EP400: variants seen among roughly 807,000 people sequenced by gnomAD.
The protein encoded by EP400 is E1A binding protein p400.
In EP400, 105 loss-of-function variants were observed where a neutral mutation model predicts 354.1. That is an observed-to-expected ratio of 0.30 (90% CI 0.25 to 0.35). The LOEUF is 0.35. Among genes scored for constraint, EP400 ranks in the 10% least tolerant of loss-of-function variants. The probability of loss-of-function intolerance (pLI) is 1.00; values close to 1 mark genes in which losing one functional copy is unlikely to be tolerated. For synonymous variants in EP400, 1,646 were observed against 1,716.9 expected (o/e 0.96, Z 1.02); for missense variants, 3,280 against 4,121.0 (o/e 0.80, Z 5.59).
At chr12:132,000,289 ATTTTT>A (rs1375759269) in intron 12 of EP400, among the ~76,000 whole-genome samples, 2 of 152,116 alleles carry the variant, frequency 1.3e-5, no homozygotes, top group African/African-American at 4.8e-5. Context: ...TTCAATATAT[ATTTTT>A]ATTATTATTC....
At chr12:132,023,097 A>T (rs894758652) in intron 23 of EP400, among the ~76,000 whole-genome samples, 4 of 149,930 alleles carry the variant, frequency 2.7e-5, no homozygotes, top group Admixed American at 2.0e-4. Flanking sequence ...TTAGGTTCAT[A>T]TGTGAGTTTC....
chr12:131,952,327 A>G (rs1046837573), intron 1 of EP400, among the ~76,000 whole-genome samples: 1 of 145,938 alleles, frequency 6.9e-6, no homozygotes, highest in Non-Finnish European at 1.5e-5. Context: ...AAAAAAAAAG[A>G]AAAAGAAATA....
At position 131,990,696 on chromosome 12, in the gene EP400, C is replaced by T; in HGVS notation, c.2611C>T (p.Gln871Ter). Reference protein sequence around the residue: ...EEKRKKALNLQKVSRRGKELR... With the variant: ...EEKRKKALNL ...AAAAAGGAAGAAGGCCTTAAATTTA[C>T]AGAAAGTTTCCAGGAGAGGTAGGAC... Residue 871 changes from glutamine to a stop codon, truncating the protein, a stop_gained, in exon 9 of 53, where the codon CAG becomes TAG. Transcript: ENST00000389561. LOFTEE classifies it high-confidence loss of function. The surrounding 1 kb of genome is among the most constrained non-coding windows in gnomAD (Gnocchi z 4.2). 1 of 1,612,312 alleles carries T rather than the reference C, an allele frequency of 6.2e-7. No homozygotes were observed. Among genetic ancestry groups the T allele is most frequent in the Non-Finnish European group, 8.5e-7 (1 of 1,179,078 alleles).
chr12:131,954,584 G>A (rs1221906885), intron 1 of EP400, among the ~76,000 whole-genome samples: 1 of 151,908 alleles, frequency 6.6e-6, no homozygotes, highest in Non-Finnish European at 1.5e-5. Context: ...AATTGGCCGG[G>A]CGTGGTGGTG....
chr12:132,002,741 T>C (rs1310541434), intron 12 of EP400, among the ~76,000 whole-genome samples: 1 of 152,190 alleles, frequency 6.6e-6, no homozygotes, highest in Non-Finnish European at 1.5e-5. Context: ...CATTCTCACA[T>C]ATGGTGGTCA....
chr12:132,042,094 G>T (rs533292209), intron 32 of EP400, among the ~76,000 whole-genome samples: 14 of 151,938 alleles, frequency 9.2e-5, no homozygotes, highest in Admixed American at 6.6e-4. Flanking sequence ...GGAATTACAG[G>T]TGCATGCCAC....
At chr12:132,069,243 G>A (rs1259466343) in intron 50 of EP400, 1 of 474,960 alleles carries the variant, frequency 2.1e-6, no homozygotes, top group South Asian at 3.8e-5. Context: ...TGTCCCGGGT[G>A]GGGTGGGCTG....
chr12:132,003,951 C>T (rs1245495610), intron 12 of EP400, among the ~76,000 whole-genome samples: 1 of 152,220 alleles, frequency 6.6e-6, no homozygotes, highest in Non-Finnish European at 1.5e-5. Flanking sequence ...CAGTCTTTGA[C>T]ATAAAATACA....
chr12:132,044,052 A>G, intron 34 of EP400, 125 bp from the exon 35 acceptor site: 2 of 1,354,414 alleles, frequency 1.5e-6, no homozygotes, highest in Non-Finnish European at 2.0e-6. Flanking sequence ...GGGGTGATGC[A>G]TTGTGGAGCA....
intron 1 of EP400, among the ~76,000 whole-genome samples, chr12:131,951,240 CGGG>C (rs1254911412): frequency 1.3e-5 from 2 of 151,480 alleles, no homozygotes; most frequent in African/African-American, 4.9e-5. Flanking sequence ...TTAGTAGAGA[CGGG>C]GTTTCACTGT....
chr12:131,952,957 C>G (rs1489508406), intron 1 of EP400, among the ~76,000 whole-genome samples: 1 of 152,272 alleles, frequency 6.6e-6, no homozygotes, highest in South Asian at 2.1e-4. Flanking sequence ...TGCCCTTTCT[C>G]CCCATTCATC....
chr12:132,067,138 T>C lies in EP400; in HGVS notation c.8749+169T>C, dbSNP rs1247982943. 1.8e-6 allele frequency: 2 copies of C among 1,127,504 alleles called. No individual in the cohort carries two copies. Among genetic ancestry groups the C allele is most frequent in the Non-Finnish European group, 2.4e-6 (2 of 817,676 alleles). 69.8% of individuals were successfully genotyped at this position (1,127,504 alleles called of 1,614,324 possible). On this transcript the variant is annotated intron_variant, in intron 49 of 52. Transcript: ENST00000389561. This position sits in a 1 kb window ranked among gnomAD's most constrained non-coding sequence, Gnocchi z 5.3. Reference sequence around the variant, plus strand: ...CCTTGGCGCTTTCCAGGCGCAAGGCTGGGTCCTCAATTGAACTGTTAACAT... The same window carrying C: ...CCTTGGCGCTTTCCAGGCGCAAGGCCGGGTCCTCAATTGAACTGTTAACAT...
At chr12:132,043,515 A>G (rs1894983077) in intron 33 of EP400, 53 bp downstream of exon 33, 21 of 1,596,154 alleles carry the variant, frequency 1.3e-5, no homozygotes, top group Non-Finnish European at 1.7e-5. Context: ...TGACGCTTCT[A>G]TAAAATATTT....
intron 2 of EP400, among the ~76,000 whole-genome samples, chr12:131,978,198 C>T (rs1892547880): frequency 6.6e-6 from 1 of 152,114 alleles, no homozygotes; most frequent in African/African-American, 2.4e-5. Flanking sequence ...AGGTTCACAG[C>T]AGAATTGAGA....
chr12:132,061,340 A>T (rs1317504631), intron 45 of EP400, among the ~76,000 whole-genome samples: 1 of 152,214 alleles, frequency 6.6e-6, no homozygotes, highest in Admixed American at 6.5e-5. Flanking sequence ...AAAGAAACAT[A>T]CAGCAGCTGG....
chr12:131,968,657 T>TA (rs1892183449), intron 2 of EP400, among the ~76,000 whole-genome samples: 1 of 152,216 alleles, frequency 6.6e-6, no homozygotes, highest in South Asian at 2.1e-4. Flanking sequence ...TTGACCTGTT[T>TA]AGGGAGGAGT....
At chr12:132,004,795 A>G (rs1186351127) in intron 12 of EP400, among the ~76,000 whole-genome samples, 4 of 152,182 alleles carry the variant, frequency 2.6e-5, no homozygotes, top group Admixed American at 2.6e-4. Flanking sequence ...TGTGTGTTGC[A>G]CCTACTAAGT....
chr12:131,957,856 A>G (rs1891755026), intron 1 of EP400, among the ~76,000 whole-genome samples: 1 of 152,176 alleles, frequency 6.6e-6, no homozygotes, highest in Non-Finnish European at 1.5e-5. Flanking sequence ...TTGGCCTCCC[A>G]AAGTGCTGGG....
In EP400 at chr12:132,037,578, G is replaced by C. The variant is rs546232794; in HGVS notation, c.5952-104G>C. 171 of 869,168 alleles carry C rather than the reference G, an allele frequency of 2.0e-4. No homozygotes were observed. In the African/African-American group the frequency reaches 2.4e-3, roughly 12 times the overall value. 53.8% of individuals were successfully genotyped at this position (869,168 alleles called of 1,614,324 possible). A position where few individuals can be genotyped will look rare whatever the true frequency, so the allele number is the denominator to read the frequency against. On this transcript the variant is annotated intron_variant, in intron 30 of 52. Coordinates refer to ENST00000389561, the MANE Select transcript of EP400 (RefSeq NM_015409.5). ...GGCATGTTCTGAGCAGGGGTAGCTG[G>C]AGGAGGGACGTGGATTCGTTGATCA...
Sources: gnomAD v4.1 joint callset for allele counts (sites outside exome capture counted in the v4.1 genomes callset) on GRCh38, gnomAD v4.1.1 for gene constraint, Gnocchi (gnomAD v3.1) non-coding constraint, MANE v1.5 for transcripts, NCBI Gene and HGNC (gene_info 2026-07-23, HGNC 2026-07-21) for gene names.